The following HYCC1 variants were observed in gnomAD, a reference collection of about 807,000 sequenced individuals.
HYCC1 encodes the protein hyccin PI4KA lipid kinase complex subunit 1, also known as hyccin.
chr7:22,905,386 ATTTTTTTTTT>A, the HYCC1 span, among the ~76,000 whole-genome samples: 230 of 44,464 alleles, frequency 5.2e-3, 4 homozygotes, highest in African/African-American at 0.019. Context: ...CTAATTTTGT[ATTTTTTTTTT>A]TTTTTTTTTT....
the HYCC1 span, among the ~76,000 whole-genome samples, chr7:22,918,775 C>T: frequency 1.1e-4 from 17 of 152,148 alleles, no homozygotes; most frequent in Non-Finnish European, 1.9e-4. Flanking sequence ...TGTAATTTTC[C>T]ACTACCCACC....
At chr7:22,969,525 G>GTT in the HYCC1 span, among the ~76,000 whole-genome samples, 3 of 134,248 alleles carry the variant, frequency 2.2e-5, no homozygotes, top group African/African-American at 2.8e-5. Context: ...TTTTTTTTTG[G>GTT]TTTTTTTTTT....
chr7:22,974,224 T>C, the HYCC1 span, among the ~76,000 whole-genome samples: 9 of 152,206 alleles, frequency 5.9e-5, no homozygotes, highest in African/African-American at 2.2e-4. Context: ...TTATCCCATT[T>C]TTAACTTATA....
the HYCC1 span, among the ~76,000 whole-genome samples, chr7:22,962,205 A>G: frequency 7.2e-5 from 11 of 152,214 alleles, no homozygotes; most frequent in Non-Finnish European, 1.0e-4. Context: ...ACAAGCAGGT[A>G]AGAAACATTT....
At chr7:22,970,653 T>C in the HYCC1 span, among the ~76,000 whole-genome samples, 1 of 152,240 alleles carries the variant, frequency 6.6e-6, no homozygotes, top group South Asian at 2.1e-4. Flanking sequence ...GTCCTATCCC[T>C]CTGCATCATT....
chr7:22,966,323 C>T, the HYCC1 span, among the ~76,000 whole-genome samples: 1 of 151,812 alleles, frequency 6.6e-6, no homozygotes, highest in Non-Finnish European at 1.5e-5. Flanking sequence ...TGGAGTTTCC[C>T]TCTTGTCGCC....
the HYCC1 span, among the ~76,000 whole-genome samples, chr7:22,966,116 A>G: frequency 5.9e-5 from 9 of 152,248 alleles, no homozygotes; most frequent in African/African-American, 2.2e-4. Flanking sequence ...CAACAGATGC[A>G]GCATAATCCC....
At chr7:22,942,589 A>G in the HYCC1 span, 1 of 152,178 alleles carries the variant, frequency 6.6e-6, no homozygotes, top group African/African-American at 2.4e-5. Flanking sequence ...AAGAATCTAT[A>G]GAGATTTAAA....
chr7:22,935,596 A>C, the HYCC1 span: 1 of 152,296 alleles, frequency 6.6e-6, no homozygotes, highest in African/African-American at 2.4e-5. Flanking sequence ...TTCTAGAATC[A>C]GCCAATACCT....
chr7:22,929,884 C>T, the HYCC1 span, among the ~76,000 whole-genome samples: 5 of 152,124 alleles, frequency 3.3e-5, no homozygotes, highest in South Asian at 2.1e-4. Context: ...TATAAAGACA[C>T]GTGCACACGT....
the HYCC1 span, among the ~76,000 whole-genome samples, chr7:22,953,996 C>T: frequency 8.0e-4 from 121 of 151,650 alleles, no homozygotes; most frequent in African/African-American, 2.7e-3. Flanking sequence ...ATGTAAAAAT[C>T]ATTCCAATAG....
At chr7:22,949,858 C>T in the HYCC1 span, among the ~76,000 whole-genome samples, 1 of 151,920 alleles carries the variant, frequency 6.6e-6, no homozygotes, top group African/African-American at 2.4e-5. Context: ...AAGCATAAGT[C>T]TTTACCTAAT....
the HYCC1 span, chr7:22,978,030 T>A: frequency 1.7e-6 from 1 of 593,876 alleles, no homozygotes; most frequent in Non-Finnish European, 3.0e-6. Context: ...GATATCTCTA[T>A]AAAAGAAATG....
chr7:22,915,380 G>A, the HYCC1 span, among the ~76,000 whole-genome samples: 2 of 152,216 alleles, frequency 1.3e-5, no homozygotes, highest in African/African-American at 2.4e-5. Context: ...CATCCCCCAG[G>A]ATCTTGCTTC....
the HYCC1 span, chr7:22,984,054 A>T: frequency 1.2e-4 from 172 of 1,469,474 alleles, no homozygotes; most frequent in Non-Finnish European, 1.5e-4. Flanking sequence ...GTCTAAACAA[A>T]TTTAAAAAAA....
At chr7:22,913,719 T>C in the HYCC1 span, among the ~76,000 whole-genome samples, 40,867 of 152,048 alleles carry the variant, frequency 0.27, 5,613 homozygotes, top group East Asian at 0.48. Flanking sequence ...CTCTAACTCC[T>C]TTTGCTGACT....
At chr7:22,940,731 G>C in the HYCC1 span, 2 of 151,600 alleles carry the variant, frequency 1.3e-5, no homozygotes, top group Admixed American at 6.6e-5. Context: ...TAAATGTCTA[G>C]ATACCTACCA....
At chr7:22,925,525 C>T in the HYCC1 span, among the ~76,000 whole-genome samples, 6 of 152,104 alleles carry the variant, frequency 3.9e-5, no homozygotes, top group Admixed American at 6.5e-5. Flanking sequence ...ACGAGAACTA[C>T]GTGACAAATG....
At chr7:22,986,521 C>T in the HYCC1 span, among the ~76,000 whole-genome samples, 3 of 152,190 alleles carry the variant, frequency 2.0e-5, no homozygotes, top group Non-Finnish European at 1.5e-5. Flanking sequence ...TTGAAAAGCA[C>T]CTAATGGAAA....
Sources: gnomAD v4.1 joint callset for allele counts (sites outside exome capture counted in the v4.1 genomes callset) on GRCh38, gnomAD v4.1.1 for gene constraint, MANE v1.5 for transcripts, NCBI Gene and HGNC (gene_info 2026-07-23, HGNC 2026-07-21) for gene names.